Variants in PDE4D observed in about 807,000 individuals in gnomAD.
The protein encoded by PDE4D is 3',5'-cyclic-AMP phosphodiesterase 4D.
Under a neutral mutation model 87.4 loss-of-function variants are expected in PDE4D, and 24 were observed. That is an observed-to-expected ratio of 0.27 (90% CI 0.20 to 0.39). The LOEUF (loss-of-function observed/expected upper bound fraction) is 0.39. Among genes scored for constraint, PDE4D ranks in the 10% least tolerant of loss-of-function variants. The pLI, the probability that PDE4D is intolerant of heterozygous loss-of-function variation, is 1.00. For missense variants in PDE4D, 714 were observed against 1,041.0 expected (o/e 0.69, Z 4.32); for synonymous variants, 384 against 383.2 (o/e 1.00, Z -0.02).
At chr5:59,772,253 G>A (rs1763657153) in intron 1 of PDE4D, among the ~76,000 whole-genome samples, 1 of 152,156 alleles carries the variant, frequency 6.6e-6, no homozygotes, top group Non-Finnish European at 1.5e-5. Context: ...TCCAACAGGA[G>A]CACTCCACAG....
At chr5:60,153,131 T>A (rs1395867952) in intron 2 of PDE4D, among the ~76,000 whole-genome samples, 1 of 152,156 alleles carries the variant, frequency 6.6e-6, no homozygotes, top group Non-Finnish European at 1.5e-5. Flanking sequence ...ATACATCTGA[T>A]AAGAGTTTGG....
chr5:59,075,758 T>C (rs1047189144), intron 5 of PDE4D, among the ~76,000 whole-genome samples: 10 of 152,148 alleles, frequency 6.6e-5, no homozygotes, highest in Non-Finnish European at 1.0e-4. Flanking sequence ...AAGATATAAG[T>C]ATTGTCTTTT....
At chr5:59,963,500 G>C (rs1208044156) in intron 3 of PDE4D, among the ~76,000 whole-genome samples, 1 of 151,990 alleles carries the variant, frequency 6.6e-6, no homozygotes, top group Non-Finnish European at 1.5e-5. Context: ...GAACACAGTG[G>C]CATCAAGACA....
At chr5:60,039,543 A>G (rs1262118292) in intron 2 of PDE4D, among the ~76,000 whole-genome samples, 1 of 152,064 alleles carries the variant, frequency 6.6e-6, no homozygotes, top group Non-Finnish European at 1.5e-5. Context: ...CATGTAACTA[A>G]CCTGCACATT....
chr5:59,613,626 G>T (rs6864408), intron 1 of PDE4D, among the ~76,000 whole-genome samples: 244 of 152,304 alleles, frequency 1.6e-3, no homozygotes, highest in African/African-American at 5.4e-3. Context: ...CCAGGGGAAT[G>T]AGATGCCTTG....
intron 1 of PDE4D, among the ~76,000 whole-genome samples, chr5:59,829,220 T>A (rs1770688964): frequency 6.6e-6 from 1 of 151,846 alleles, no homozygotes; most frequent in Admixed American, 6.6e-5. Flanking sequence ...AGGAAAACAC[T>A]TTTTTTGTGA....
In PDE4D at chr5:60,066,255, A is replaced by C. The variant is rs572105300; in HGVS notation, c.43-77538T>G. Among the ~76,000 whole-genome samples, 4 of 152,080 alleles carry C rather than the reference A, an allele frequency of 2.6e-5. No individual in the cohort carries two copies. The East Asian group carries it at 7.7e-4, about 29-fold the overall frequency. ...CTTCTTTTGAGAAGTGTCTGTTCAT[A>C]TCCTTCGCCCACTTTTTGATGGGGT... On this transcript the variant is annotated intron_variant, in intron 2 of 16. Transcript: ENST00000502484.
At chr5:59,686,905 T>A (rs1749967238) in intron 1 of PDE4D, among the ~76,000 whole-genome samples, 1 of 152,200 alleles carries the variant, frequency 6.6e-6, no homozygotes, top group African/African-American at 2.4e-5. Context: ...ACTCAACATA[T>A]AAAATCCTTC....
At chr5:59,295,187 T>C (rs17780213) in intron 1 of PDE4D, among the ~76,000 whole-genome samples, 10,877 of 152,278 alleles carry the variant, frequency 0.071, 518 homozygotes, top group South Asian at 0.13. Context: ...ATAAATGCCA[T>C]TGTTTAAGAA....
chr5:60,142,862 A>G (rs563952838), intron 2 of PDE4D, among the ~76,000 whole-genome samples: 70 of 152,340 alleles, frequency 4.6e-4, no homozygotes, highest in Middle Eastern at 3.4e-3. Flanking sequence ...GCAGGAGGTA[A>G]CAGGGAGTTT....
chr5:60,296,920 A>G (rs139612282), intron 1 of PDE4D, among the ~76,000 whole-genome samples: 115 of 152,222 alleles, frequency 7.6e-4, no homozygotes, highest in Non-Finnish European at 1.4e-3. Context: ...GGAGGGGAAC[A>G]TCACACACCA....
chr5:59,705,951 A>T (rs576832706), intron 1 of PDE4D, among the ~76,000 whole-genome samples: 1 of 152,302 alleles, frequency 6.6e-6, no homozygotes, highest in African/African-American at 2.4e-5. Context: ...TGGGGAAAGT[A>T]CAAAATGAAG....
At chr5:59,079,485 T>C (rs1766291331) in intron 5 of PDE4D, among the ~76,000 whole-genome samples, 1 of 152,064 alleles carries the variant, frequency 6.6e-6, no homozygotes, top group South Asian at 2.1e-4. Flanking sequence ...GACCTCTTAC[T>C]CTACAAAATT....
chr5:59,233,433 A>G (rs1044923959), intron 1 of PDE4D, among the ~76,000 whole-genome samples: 1 of 152,210 alleles, frequency 6.6e-6, no homozygotes, highest in Non-Finnish European at 1.5e-5. Context: ...GAAAAATTCT[A>G]GAAATATTTC....
intron 2 of PDE4D, chr5:60,147,800 T>C: frequency 2.2e-6 from 1 of 455,888 alleles, no homozygotes; most frequent in South Asian, 1.6e-5. Flanking sequence ...GAGGCCTCCA[T>C]ATTTTACCAT....
chr5:60,091,835 G>A (rs949987043), intron 2 of PDE4D, among the ~76,000 whole-genome samples: 6 of 151,814 alleles, frequency 4.0e-5, no homozygotes, highest in South Asian at 2.1e-4. Flanking sequence ...GGCGGATCAC[G>A]AGGTCAGGAG....
intron 1 of PDE4D, among the ~76,000 whole-genome samples, chr5:59,349,354 A>G (rs1180098907): frequency 6.6e-6 from 1 of 152,080 alleles, no homozygotes; most frequent in East Asian, 1.9e-4. Context: ...ACATGATAGA[A>G]GCTGAGGCCT....
At chr5:60,237,615 G>A (rs2149646508) in intron 1 of PDE4D, among the ~76,000 whole-genome samples, 1 of 152,110 alleles carries the variant, frequency 6.6e-6, no homozygotes, top group African/African-American at 2.4e-5. Flanking sequence ...GATTAGATAT[G>A]GTGGCAAAGG....
intron 5 of PDE4D, among the ~76,000 whole-genome samples, chr5:59,048,371 T>C (rs925548744): frequency 3.3e-5 from 5 of 152,274 alleles, no homozygotes; most frequent in Non-Finnish European, 7.3e-5. Flanking sequence ...AACAGTCTTT[T>C]GTTCTTCACC....
Sources: allele counts gnomAD v4.1 joint callset (sites outside exome capture counted in the v4.1 genomes callset), GRCh38; gene constraint gnomAD v4.1.1; transcripts MANE v1.5; gene names NCBI Gene and HGNC (gene_info 2026-07-23, HGNC 2026-07-21).